The following ABCB1 variants were observed in gnomAD, a reference collection of about 807,000 sequenced individuals.
The protein encoded by ABCB1 is ATP binding cassette subfamily B member 1, also known as ATP-dependent translocase ABCB1.
ABCB1 carries 69 observed loss-of-function variants against 142.0 expected under a neutral mutation model. The ratio of observed to expected loss-of-function variants is 0.49; its 90% CI spans 0.40 to 0.59. The LOEUF (loss-of-function observed/expected upper bound fraction) is 0.59. ABCB1 is among the 20% of genes least tolerant of loss of function. ABCB1 has a pLI of 0.00. For missense variants in ABCB1, 1,326 were observed against 1,554.7 expected (o/e 0.85, Z 2.47); for synonymous variants, 532 against 539.2 (o/e 0.99, Z 0.18).
chr7:87,544,367 C>G, intron 16 of ABCB1, 92 bp from the exon 17 acceptor site: 1 of 1,248,194 alleles, frequency 8.0e-7, no homozygotes, highest in South Asian at 1.2e-5. Flanking sequence ...GGAATATATC[C>G]TATCCTTATT....
At chr7:87,580,438 G>T (rs1292201512) in intron 4 of ABCB1, among the ~76,000 whole-genome samples, 1 of 152,086 alleles carries the variant, frequency 6.6e-6, no homozygotes, top group African/African-American at 2.4e-5. Flanking sequence ...GAGCTCCTTT[G>T]TATGTTATTT....
At chr7:87,669,865 G>A (rs1357093211) in intron 1 of ABCB1, among the ~76,000 whole-genome samples, 2 of 152,118 alleles carry the variant, frequency 1.3e-5, no homozygotes, top group African/African-American at 4.8e-5. Flanking sequence ...AGTTCCTTTT[G>A]TAGGTCATGT....
At chr7:87,588,878 T>C (rs1054259850) in intron 3 of ABCB1, among the ~76,000 whole-genome samples, 1 of 152,260 alleles carries the variant, frequency 6.6e-6, no homozygotes, top group Non-Finnish European at 1.5e-5. Context: ...CACAGTGGTT[T>C]TGATTTGCAT....
intron 22 of ABCB1, among the ~76,000 whole-genome samples, chr7:87,520,404 A>C (rs901558864): frequency 2.0e-5 from 3 of 152,142 alleles, no homozygotes; most frequent in Non-Finnish European, 4.4e-5. Flanking sequence ...AGACAGGTAA[A>C]CCCAGGAAGC....
At chr7:87,606,020 T>G (rs1486762678) in intron 1 of ABCB1, among the ~76,000 whole-genome samples, 3 of 151,942 alleles carry the variant, frequency 2.0e-5, no homozygotes, top group African/African-American at 7.3e-5. Context: ...ATGAAGAAAA[T>G]TGAATAAATT....
intron 1 of ABCB1, among the ~76,000 whole-genome samples, chr7:87,666,460 GT>G (rs1344045668): frequency 1.3e-5 from 2 of 152,094 alleles, no homozygotes; most frequent in Admixed American, 1.3e-4. Flanking sequence ...TCTGTGGATA[GT>G]TTCCTTTGCT....
At chr7:87,684,746 C>CAAAAA (rs71524694) in intron 1 of ABCB1, among the ~76,000 whole-genome samples, 511 of 37,708 alleles carry the variant, frequency 0.014, 11 homozygotes, top group Middle Eastern at 0.025. Context: ...GACTCCGTCT[C>CAAAAA]AAAAAAAAAA....
chr7:87,634,936 T>G lies in ABCB1; in HGVS notation c.-330-33858A>C, dbSNP rs146794723. On this transcript the variant is annotated intron_variant, in intron 1 of 28. Coordinates refer to the ABCB1 transcript ENST00000265724. ...GGATGATCCTCTTTTCAACGACTAG[T>G]CCTAGAGTAGACATTTCAGCATTCA... is the stretch of plus-strand genomic sequence containing the variant. 3.2e-3 allele frequency among the ~76,000 whole-genome samples: 494 copies of G among 152,270 alleles called. 3 individuals carry two copies. The highest frequency in any genetic ancestry group is 0.012 in the African/African-American group (484 of 41,556).
At chr7:87,593,705 T>G (rs1471794649) in intron 3 of ABCB1, among the ~76,000 whole-genome samples, 1 of 152,222 alleles carries the variant, frequency 6.6e-6, no homozygotes, top group African/African-American at 2.4e-5. Flanking sequence ...CAGTTCCTAA[T>G]AAAATCCTTG....
At chr7:87,545,049 A>G in intron 15 of ABCB1, 50 bp from the exon 16 acceptor site, 3 of 1,535,064 alleles carry the variant, frequency 2.0e-6, no homozygotes, top group South Asian at 1.1e-5. Context: ...TGTGTTAACC[A>G]ATGAAAGCTA....
At chr7:87,562,037 A>C (rs1817580314) in intron 7 of ABCB1, among the ~76,000 whole-genome samples, 1 of 152,144 alleles carries the variant, frequency 6.6e-6, no homozygotes, top group Non-Finnish European at 1.5e-5. Flanking sequence ...AAAAATTCTG[A>C]TTAAATAGAA....
In ABCB1 at chr7:87,595,802, C is replaced by T. The variant is rs1819178873; in HGVS notation, c.81G>A (p.Lys27=). 6.2e-7 allele frequency: 1 copy of T among 1,610,750 alleles called. No homozygotes were observed. Among genetic ancestry groups the T allele is most frequent in the Non-Finnish European group, 8.5e-7 (1 of 1,177,556 alleles). Residue 27 remains lysine, a synonymous_variant, in exon 3 of 28, where the codon AAG becomes AAA. Coordinates refer to ENST00000622132, the MANE Select transcript of ABCB1 (RefSeq NM_001348946.2). ...FKLNNKSEKD[K]KEKKPTVSVF... is the part of the protein sequence containing the mutation. ...CACTGACAGTTGGTTTCTTTTCCTT[C>T]TTATCTTTTTCACTGCAAAACAGCA...
intron 1 of ABCB1, among the ~76,000 whole-genome samples, chr7:87,625,979 TATATATATGTAC>T (rs1820412295): frequency 6.8e-6 from 1 of 147,096 alleles, no homozygotes; most frequent in Non-Finnish European, 1.5e-5. Flanking sequence ...GGAATATATA[TATATATATGTAC>T]ATATATATGT....
intron 1 of ABCB1, among the ~76,000 whole-genome samples, chr7:87,660,473 TA>T (rs1165179125): frequency 1.3e-5 from 2 of 152,112 alleles, no homozygotes; most frequent in Non-Finnish European, 2.9e-5. Flanking sequence ...TAAAGCTCTC[TA>T]AAGAGATATA....
intron 8 of ABCB1, among the ~76,000 whole-genome samples, chr7:87,554,995 G>T (rs762957615): frequency 1.3e-5 from 2 of 152,200 alleles, no homozygotes; most frequent in Non-Finnish European, 2.9e-5. Flanking sequence ...TGACTTACAG[G>T]TTATTCCCAA....
intron 1 of ABCB1, among the ~76,000 whole-genome samples, chr7:87,682,550 TG>T (rs1827032700): frequency 6.6e-6 from 1 of 152,248 alleles, no homozygotes. Flanking sequence ...ATTAATCTCC[TG>T]GTACATCTCT....
intron 1 of ABCB1, among the ~76,000 whole-genome samples, chr7:87,652,462 T>C (rs970937734): frequency 2.0e-5 from 3 of 151,992 alleles, no homozygotes; most frequent in Admixed American, 6.6e-5. Context: ...TTCTGAATAA[T>C]ACTATAATGC....
intron 27 of ABCB1, among the ~76,000 whole-genome samples, chr7:87,504,820 A>AG (rs1394057980): frequency 1.4e-5 from 2 of 144,708 alleles, no homozygotes; most frequent in Admixed American, 6.7e-5. Context: ...AAAAAAAAAA[A>AG]AAAAGCTCCA....
intron 1 of ABCB1, among the ~76,000 whole-genome samples, chr7:87,640,162 A>T (rs1045957179): frequency 3.3e-5 from 5 of 149,412 alleles, no homozygotes; most frequent in African/African-American, 1.2e-4. Flanking sequence ...TTATTCCCCC[A>T]CATCCTAAAA....
Sources: gnomAD v4.1 joint callset for allele counts (sites outside exome capture counted in the v4.1 genomes callset) on GRCh38, gnomAD v4.1.1 for gene constraint, MANE v1.5 for transcripts, NCBI Gene and HGNC (gene_info 2026-07-23, HGNC 2026-07-21) for gene names.